Variants in HERC2 observed in about 807,000 individuals in gnomAD.
HERC2 encodes HECT and RLD domain containing E3 ubiquitin protein ligase 2, also known as E3 ubiquitin-protein ligase HERC2.
A neutral mutation model predicts 537.7 loss-of-function variants in HERC2; 102 were observed. The ratio of observed to expected loss-of-function variants is 0.19; its 90% CI spans 0.16 to 0.22. HERC2 has a LOEUF of 0.22. Ranked by LOEUF, HERC2 falls within the 10% of genes least tolerant of loss-of-function variation. The pLI is 1.00. For synonymous variants in HERC2, 2,224 were observed against 2,466.2 expected, an observed-to-expected ratio of 0.90 and a Z score of 2.91; for missense variants, 4,236 against 6,198.2, an observed-to-expected ratio of 0.68 and a Z score of 10.63.
intron 2 of HERC2, among the ~76,000 whole-genome samples, chr15:28,300,845 A>AT (rs1382273077): frequency 7.5e-6 from 1 of 133,590 alleles, no homozygotes; most frequent in Non-Finnish European, 1.5e-5. Context: ...AAAAAAAAAA[A>AT]AAAAAAAATT....
chr15:28,121,458 G>C, intron 85 of HERC2, 29 bp from the exon 86 acceptor site: 1 of 1,540,630 alleles, frequency 6.5e-7, no homozygotes, highest in Non-Finnish European at 9.0e-7. Flanking sequence ...ACAAAATTTA[G>C]AATCTGATAT....
At chr15:28,304,770 T>G (rs1469463755) in intron 2 of HERC2, among the ~76,000 whole-genome samples, 1 of 141,758 alleles carries the variant, frequency 7.1e-6, no homozygotes, top group African/African-American at 2.6e-5. Context: ...GCAGGTTAAT[T>G]ACATATGTAT....
intron 7 of HERC2, among the ~76,000 whole-genome samples, chr15:28,273,936 T>C (rs2075804207): frequency 6.6e-6 from 1 of 152,158 alleles, no homozygotes; most frequent in African/African-American, 2.4e-5. Context: ...ACATTATCTA[T>C]AAGACTTCAA....
At chr15:28,292,133 G>GC (rs936580218) in intron 4 of HERC2, among the ~76,000 whole-genome samples, 1 of 150,242 alleles carries the variant, frequency 6.7e-6, no homozygotes, top group African/African-American at 2.5e-5. Context: ...GGAGGATGAG[G>GC]CAGGAGAATC....
intron 78 of HERC2, among the ~76,000 whole-genome samples, chr15:28,139,598 T>A (rs1202785339): frequency 6.6e-6 from 1 of 152,184 alleles, no homozygotes; most frequent in Non-Finnish European, 1.5e-5. Flanking sequence ...TGTGAGACAG[T>A]ACATTACATG....
Position 28,214,072 on chromosome 15 carries a change from C to T in HERC2, c.6555+4G>A. The T allele has an allele frequency of 6.2e-7, 1 of 1,614,074 alleles. No individual in the cohort carries two copies. Among genetic ancestry groups the T allele is most frequent in the South Asian group, 1.1e-5 (1 of 91,080 alleles). ...CTAAATTAATTCTGAGAACACAAAC[C>T]CACCCCTTCGGAAGGCCTTCCCACA... On this transcript the variant is annotated splice_donor_region_variant and intron_variant, in intron 41 of 92. Transcript: ENST00000261609.
At chr15:28,161,830 A>T (rs1414803208) in intron 69 of HERC2, among the ~76,000 whole-genome samples, 2 of 152,246 alleles carry the variant, frequency 1.3e-5, no homozygotes, top group Non-Finnish European at 2.9e-5. Flanking sequence ...AAGTTTTGTA[A>T]ATAGACCCAA....
chr15:28,144,012 G>A, intron 73 of HERC2, 21 bp from the exon 74 acceptor site: 1 of 1,614,180 alleles, frequency 6.2e-7, no homozygotes, highest in Non-Finnish European at 8.5e-7. Context: ...CAGAGAGAAA[G>A]TATCAGAAGT....
At chr15:28,224,063 A>C (rs1482744094) in intron 35 of HERC2, among the ~76,000 whole-genome samples, 5 of 151,770 alleles carry the variant, frequency 3.3e-5, no homozygotes, top group Admixed American at 2.0e-4. Flanking sequence ...CTAGATTATT[A>C]TTTTCAGCTG....
intron 56 of HERC2, among the ~76,000 whole-genome samples, 160 bp downstream of exon 56, chr15:28,186,417 T>TA (rs1339436087): frequency 6.6e-6 from 1 of 152,210 alleles, no homozygotes; most frequent in Non-Finnish European, 1.5e-5. Context: ...CTTTATTTTT[T>TA]AAAAAATACA....
At chr15:28,306,831 TTTCTTTTTCC>T (rs1466366110) in intron 2 of HERC2, among the ~76,000 whole-genome samples, 241 of 152,238 alleles carry the variant, frequency 1.6e-3, no homozygotes, top group African/African-American at 5.5e-3. Flanking sequence ...AAATTATCCA[TTTCTTTTTCC>T]TTCTTTTTTT....
At chr15:28,190,410 TGAGA>T (rs745986250) in intron 55 of HERC2, 7 of 152,384 alleles carry the variant, frequency 4.6e-5, no homozygotes, top group African/African-American at 1.7e-4. Flanking sequence ...ACTAAAAATT[TGAGA>T]GAGAGAGATA....
rs749920864 is a variant in HERC2 at position 28,238,731 on chromosome 15, C to A, written c.3619G>T (p.Val1207Leu). The change falls in exon 24 of 93, where the codon GTG becomes TTG. Residue 1207 changes from valine (V) to leucine (L), a missense_variant. Physicochemically the swap from Val to Leu is conservative, Grantham distance 32 (BLOSUM62 1). This residue lies in a region of HERC2 where 754 missense variants were observed against 1,085.0 expected (regional missense o/e 0.69). Coordinates refer to ENST00000261609, the MANE Select transcript of HERC2 (RefSeq NM_004667.6). ...TGQNCRNNEEVTLIRKADLEN... is the reference protein window; with the variant it reads ...TGQNCRNNEELTLIRKADLEN... The stretch of plus-strand genomic sequence containing the variant: ...AAATCAGCTTTGCGTATAAGTGTCA[C>A]TTCCTCATTATTTCTACAGTTCTGA... 1.4e-5 allele frequency: 22 copies of A among 1,611,456 alleles called. No individual in the cohort carries two copies. Among genetic ancestry groups the A allele is most frequent in the Non-Finnish European group, 1.8e-5 (21 of 1,179,500 alleles).
chr15:28,286,858 T>C (rs907956801), intron 4 of HERC2, among the ~76,000 whole-genome samples: 7 of 152,164 alleles, frequency 4.6e-5, no homozygotes, highest in South Asian at 2.1e-4. Flanking sequence ...TGTGCACTTC[T>C]GAACTCCTGC....
At chr15:28,137,472 G>A (rs11855331) in intron 78 of HERC2, among the ~76,000 whole-genome samples, 5,641 of 152,212 alleles carry the variant, frequency 0.037, 337 homozygotes, top group African/African-American at 0.13. Context: ...CTGACTTACC[G>A]TCGCTATGTC....
intron 16 of HERC2, 23 bp downstream of exon 16, chr15:28,260,754 A>T: frequency 2.5e-6 from 4 of 1,594,544 alleles, no homozygotes; most frequent in Non-Finnish European, 3.4e-6. Flanking sequence ...CCAAAATACC[A>T]AATCAAGCTC....
At chr15:28,300,491 A>G (rs1422190737) in intron 2 of HERC2, among the ~76,000 whole-genome samples, 2 of 151,254 alleles carry the variant, frequency 1.3e-5, no homozygotes, top group South Asian at 2.1e-4. Context: ...TAAATACAAT[A>G]AAACATGTTT....
At chr15:28,158,332 G>A (rs1158293808) in intron 69 of HERC2, among the ~76,000 whole-genome samples, 1 of 152,166 alleles carries the variant, frequency 6.6e-6, no homozygotes, top group Non-Finnish European at 1.5e-5. Flanking sequence ...TGTTGACAGT[G>A]GGGTGTTAAA....
At chr15:28,286,218 G>A (rs1454388462) in intron 4 of HERC2, among the ~76,000 whole-genome samples, 2 of 151,696 alleles carry the variant, frequency 1.3e-5, no homozygotes, top group Non-Finnish European at 2.9e-5. Context: ...ATATTAAGAA[G>A]CTAATATTAG....
Sources: gnomAD v4.1 joint callset for allele counts (sites outside exome capture counted in the v4.1 genomes callset) on GRCh38, gnomAD v4.1.1 for gene constraint, gnomAD v4.1.1 regional missense constraint, MANE v1.5 for transcripts, NCBI Gene and HGNC (gene_info 2026-07-23, HGNC 2026-07-21) for gene names.